The following AKAP19 variants were observed in gnomAD, a reference collection of about 807,000 sequenced individuals.
The protein encoded by AKAP19 is A-kinase anchoring protein 19, also known as small A-kinase anchoring protein.
At chr2:190,057,476 A>G in the AKAP19 span, 2 of 1,613,606 alleles carry the variant, frequency 1.2e-6, no homozygotes, top group Non-Finnish European at 1.7e-6. Context: ...TTGGCCTTAT[A>G]TCTTTTAGGA....
At chr2:190,117,605 GC>G in the AKAP19 span, among the ~76,000 whole-genome samples, 1 of 152,174 alleles carries the variant, frequency 6.6e-6, no homozygotes, top group Admixed American at 6.5e-5. Context: ...GTCTTCCAAT[GC>G]CCATCACCCA....
At chr2:190,054,881 A>G in the AKAP19 span, among the ~76,000 whole-genome samples, 5 of 152,268 alleles carry the variant, frequency 3.3e-5, no homozygotes, top group South Asian at 2.1e-4. Context: ...CTGTTGGTGG[A>G]ACTGTAAACT....
chr2:189,983,654 C>G, the AKAP19 span, among the ~76,000 whole-genome samples: 2 of 152,172 alleles, frequency 1.3e-5, no homozygotes, highest in Non-Finnish European at 2.9e-5. Flanking sequence ...TGTGCTCCAC[C>G]GTCTTTTATG....
chr2:189,975,853 T>C, the AKAP19 span, among the ~76,000 whole-genome samples: 1 of 152,234 alleles, frequency 6.6e-6, no homozygotes, highest in African/African-American at 2.4e-5. Flanking sequence ...TAAGGACTTC[T>C]GTACACTGGT....
the AKAP19 span, among the ~76,000 whole-genome samples, chr2:189,967,141 A>G: frequency 2.6e-5 from 4 of 152,296 alleles, no homozygotes; most frequent in Middle Eastern, 3.4e-3. Flanking sequence ...TTTATAAGCT[A>G]TCTCCATTTT....
the AKAP19 span, chr2:190,199,840 C>A: frequency 6.2e-7 from 1 of 1,608,302 alleles, no homozygotes; most frequent in Non-Finnish European, 8.5e-7. Flanking sequence ...ACTGCTTCCT[C>A]CACAAACAGC....
chr2:190,106,804 A>C, the AKAP19 span, among the ~76,000 whole-genome samples: 1 of 152,192 alleles, frequency 6.6e-6, no homozygotes, highest in African/African-American at 2.4e-5. Flanking sequence ...CTACTACTTC[A>C]CTATAATGTG....
chr2:190,121,698 A>G, the AKAP19 span, among the ~76,000 whole-genome samples: 1 of 152,240 alleles, frequency 6.6e-6, no homozygotes. Context: ...TACTAATGGA[A>G]GTACCATAAT....
At chr2:190,189,154 A>G in the AKAP19 span, among the ~76,000 whole-genome samples, 1 of 152,228 alleles carries the variant, frequency 6.6e-6, no homozygotes, top group African/African-American at 2.4e-5. Flanking sequence ...GGTCAAGGAC[A>G]GGGGCAATGA....
chr2:190,145,463 C>T, the AKAP19 span, among the ~76,000 whole-genome samples: 1 of 152,176 alleles, frequency 6.6e-6, no homozygotes, highest in Non-Finnish European at 1.5e-5. Context: ...CAGATAATAT[C>T]TATATAATAT....
chr2:189,931,583 C>G, the AKAP19 span, among the ~76,000 whole-genome samples: 6 of 152,166 alleles, frequency 3.9e-5, no homozygotes, highest in African/African-American at 1.4e-4. Flanking sequence ...CCAGGCTGGT[C>G]TCGAACTCCT....
the AKAP19 span, among the ~76,000 whole-genome samples, chr2:190,193,119 A>C: frequency 6.6e-6 from 1 of 152,068 alleles, no homozygotes; most frequent in African/African-American, 2.4e-5. Context: ...CACTAACATT[A>C]CTTTTGAGGA....
chr2:190,017,422 C>G, the AKAP19 span, among the ~76,000 whole-genome samples: 3 of 151,904 alleles, frequency 2.0e-5, no homozygotes, highest in Non-Finnish European at 4.4e-5. Flanking sequence ...TTTATTTTTT[C>G]TGTATCTGCT....
At chr2:190,167,186 G>A in the AKAP19 span, among the ~76,000 whole-genome samples, 24 of 152,264 alleles carry the variant, frequency 1.6e-4, no homozygotes, top group South Asian at 8.3e-4. Context: ...CAATTATAGC[G>A]AAAGGTGAAA....
At chr2:189,918,508 A>T in the AKAP19 span, among the ~76,000 whole-genome samples, 1 of 152,204 alleles carries the variant, frequency 6.6e-6, no homozygotes, top group Non-Finnish European at 1.5e-5. Context: ...TTTTTAAAAG[A>T]AAATAAGTGT....
chr2:189,935,650 T>TTTAG, the AKAP19 span, among the ~76,000 whole-genome samples: 2 of 152,094 alleles, frequency 1.3e-5, no homozygotes, highest in Non-Finnish European at 2.9e-5. Flanking sequence ...TTGTAGCAAA[T>TTTAG]TTAGTTATGT....
the AKAP19 span, among the ~76,000 whole-genome samples, chr2:190,129,893 C>T: frequency 6.6e-6 from 1 of 152,192 alleles, no homozygotes; most frequent in African/African-American, 2.4e-5. Flanking sequence ...TGCCTCTCCT[C>T]CTTTTAAGAG....
At chr2:190,199,737 T>C in the AKAP19 span, 7 of 1,499,836 alleles carry the variant, frequency 4.7e-6, no homozygotes, top group Admixed American at 2.3e-5. Context: ...GGAACATTGA[T>C]TACTGAAGTG....
the AKAP19 span, among the ~76,000 whole-genome samples, chr2:190,182,762 T>C: frequency 3.9e-5 from 6 of 152,200 alleles, no homozygotes; most frequent in Admixed American, 3.9e-4. Context: ...TACTCAGAAG[T>C]TGACTAAAAA....
Sources: gnomAD v4.1 joint callset for allele counts (sites outside exome capture counted in the v4.1 genomes callset) on GRCh38, gnomAD v4.1.1 for gene constraint, MANE v1.5 for transcripts, NCBI Gene and HGNC (gene_info 2026-07-23, HGNC 2026-07-21) for gene names.